The following BMP6 variants were observed in gnomAD, a reference collection of about 807,000 sequenced individuals.
The protein encoded by BMP6 is bone morphogenetic protein 6, also known as VG-1-R.
A neutral mutation model predicts 54.1 loss-of-function variants in BMP6; 17 were observed. That is an observed-to-expected ratio of 0.31 (90% CI 0.22 to 0.47). The LOEUF is 0.47. Ranked by LOEUF, BMP6 falls within the 20% of genes least tolerant of loss-of-function variation. The pLI is 1.00. For synonymous variants in BMP6, 328 were observed against 291.2 expected (o/e 1.13, Z -1.28); for missense variants, 720 against 690.4 (o/e 1.04, Z -0.48).
At chr6:7,779,536 C>T (rs1349108037) in intron 1 of BMP6, among the ~76,000 whole-genome samples, 6 of 152,082 alleles carry the variant, frequency 3.9e-5, no homozygotes, top group Admixed American at 2.0e-4. Context: ...GACGGGGTTT[C>T]ACCATGTTGG....
intron 1 of BMP6, among the ~76,000 whole-genome samples, chr6:7,744,947 G>A (rs1422629767): frequency 6.6e-6 from 1 of 152,190 alleles, no homozygotes; most frequent in African/African-American, 2.4e-5. Context: ...CCCGCCTCCA[G>A]TATCAGTGCC....
chr6:7,794,662 A>T (rs1758166632), intron 1 of BMP6, among the ~76,000 whole-genome samples: 1 of 151,890 alleles, frequency 6.6e-6, no homozygotes, highest in African/African-American at 2.4e-5. Context: ...GTAATATGTT[A>T]GTTGATACCT....
At chr6:7,766,067 CT>C (rs1382698580) in intron 1 of BMP6, among the ~76,000 whole-genome samples, 1 of 152,238 alleles carries the variant, frequency 6.6e-6, no homozygotes, top group Non-Finnish European at 1.5e-5. Context: ...ATGAGGACAT[CT>C]TTTTTTGAGC....
At chr6:7,761,791 A>C (rs1483150191) in intron 1 of BMP6, among the ~76,000 whole-genome samples, 1 of 152,120 alleles carries the variant, frequency 6.6e-6, no homozygotes, top group Non-Finnish European at 1.5e-5. Context: ...TTTTCTTTGT[A>C]CTTTCTGATC....
intron 1 of BMP6, among the ~76,000 whole-genome samples, chr6:7,818,918 G>A (rs967911752): frequency 6.6e-6 from 1 of 152,170 alleles, no homozygotes; most frequent in African/African-American, 2.4e-5. Context: ...ACGTGAAATT[G>A]GCAAGACATT....
chr6:7,813,671 C>A lies in BMP6; in HGVS notation c.665-31469C>A, dbSNP rs1445138093. On this transcript the variant is annotated intron_variant, in intron 1 of 6. Transcript: ENST00000283147. ...AAAAAAAAAAAAAAAAAAAAAAAAC[C>A]CACCAAACCCAGTATAGAAAATATA... Among the ~76,000 whole-genome samples, 12 of 15,816 alleles carry A rather than the reference C, an allele frequency of 7.6e-4. 1 individual carries two copies. The highest frequency in any genetic ancestry group is 8.3e-4 in the Admixed American group (1 of 1,202). The allele number at this position is 15,816 out of a possible 152,430, so 10.4% of individuals were successfully genotyped here. A position where few individuals can be genotyped will look rare whatever the true frequency, so the allele number is the denominator to read the frequency against.
chr6:7,789,878 C>T (rs1451700111), intron 1 of BMP6, among the ~76,000 whole-genome samples: 1 of 152,128 alleles, frequency 6.6e-6, no homozygotes, highest in Non-Finnish European at 1.5e-5. Context: ...GCTTTTCACA[C>T]CTTCTGGATT....
intron 1 of BMP6, among the ~76,000 whole-genome samples, chr6:7,835,868 G>C (rs1265855218): frequency 1.3e-5 from 2 of 150,802 alleles, no homozygotes; most frequent in African/African-American, 4.9e-5. Context: ...ATGGAGTCTT[G>C]CTCTGTCACC....
chr6:7,822,025 C>CT lies in BMP6; in HGVS notation c.665-23103dup, dbSNP rs558981095. On this transcript the variant is annotated intron_variant, in intron 1 of 6. Coordinates refer to ENST00000283147, the MANE Select transcript of BMP6 (RefSeq NM_001718.6). ...ACGTTGCCATGGACTGCAGGAGGGA[C>CT]TTTTTTTTTTTTGAGACAGAGTTTT... 2.3e-3 allele frequency among the ~76,000 whole-genome samples: 335 copies of CT among 145,738 alleles called. 1 individual carries two copies. Among genetic ancestry groups the CT allele is most frequent in the African/African-American group, 6.2e-3 (248 of 39,996 alleles).
intron 1 of BMP6, among the ~76,000 whole-genome samples, chr6:7,763,043 G>A (rs1196716682): frequency 1.3e-5 from 2 of 152,190 alleles, no homozygotes; most frequent in Non-Finnish European, 2.9e-5. Flanking sequence ...ACTCCTATGC[G>A]CCTTTGCATC....
chr6:7,865,153 AATT>A (rs1261953511), intron 4 of BMP6, among the ~76,000 whole-genome samples: 4 of 152,234 alleles, frequency 2.6e-5, no homozygotes, highest in African/African-American at 9.6e-5. Context: ...AATATCAACC[AATT>A]ATTATTTTCC....
At chr6:7,825,753 T>C (rs1472669088) in intron 1 of BMP6, among the ~76,000 whole-genome samples, 6 of 150,744 alleles carry the variant, frequency 4.0e-5, no homozygotes, top group Admixed American at 1.3e-4. Context: ...AAAAAAAAAC[T>C]TTAGTGTTTT....
At chr6:7,863,976 A>C (rs554950088) in intron 4 of BMP6, among the ~76,000 whole-genome samples, 1 of 151,680 alleles carries the variant, frequency 6.6e-6, no homozygotes, top group African/African-American at 2.4e-5. Context: ...GCCAAGATTA[A>C]GATTATGCCT....
rs1362854688 is a variant in BMP6 at position 7,772,012 on chromosome 6, C to T, written c.664+44393C>T. 3.3e-5 allele frequency among the ~76,000 whole-genome samples: 5 copies of T among 149,742 alleles called. No homozygotes were observed. The Admixed American group carries it at 3.4e-4, about 10-fold the overall frequency. ...GAGGTTGCAGTGAGCCGAGATTGTGCGATTGCACTCCAGCCTGGGCGACAG... is the reference window on the plus strand; with the variant it reads ...GAGGTTGCAGTGAGCCGAGATTGTGTGATTGCACTCCAGCCTGGGCGACAG... On this transcript the variant is annotated intron_variant, in intron 1 of 6. Coordinates refer to ENST00000283147, the MANE Select transcript of BMP6 (RefSeq NM_001718.6).
intron 1 of BMP6, among the ~76,000 whole-genome samples, chr6:7,788,484 A>G (rs1007494550): frequency 6.6e-6 from 1 of 152,064 alleles, no homozygotes; most frequent in African/African-American, 2.4e-5. Context: ...ACAACGGGGG[A>G]CCCCTCTGTA....
chr6:7,740,000 CAGA>C (rs1400478360), intron 1 of BMP6, among the ~76,000 whole-genome samples: 1 of 152,170 alleles, frequency 6.6e-6, no homozygotes, highest in Non-Finnish European at 1.5e-5. Context: ...ACAAAAGATT[CAGA>C]AGGGTTGGCC....
intron 1 of BMP6, among the ~76,000 whole-genome samples, chr6:7,843,443 CTT>C (rs66907363): frequency 7.4e-5 from 10 of 135,948 alleles, no homozygotes; most frequent in Admixed American, 7.4e-5. Context: ...TCTTTTCTTT[CTT>C]TTTTTTTTTT....
At chr6:7,838,538 A>G (rs1194215901) in intron 1 of BMP6, among the ~76,000 whole-genome samples, 1 of 152,188 alleles carries the variant, frequency 6.6e-6, no homozygotes, top group Non-Finnish European at 1.5e-5. Context: ...TTCTTTTCCT[A>G]TTATTTAATC....
rs539882710 is a variant in BMP6, at chr6:7,808,763, A to T, written c.665-36377A>T. 2.6e-5 allele frequency among the ~76,000 whole-genome samples: 4 copies of T among 152,014 alleles called. No homozygotes were observed. The South Asian group carries it at 8.3e-4, about 32-fold the overall frequency. ...ATCATGTCTCAAACAAAAAATTTAA[A>T]AATTAGCCAGTGTGGTGGCATGCTT... On this transcript the variant is annotated intron_variant, in intron 1 of 6. Transcript: ENST00000283147.
Sources: gnomAD v4.1 joint callset for allele counts (sites outside exome capture counted in the v4.1 genomes callset) on GRCh38, gnomAD v4.1.1 for gene constraint, MANE v1.5 for transcripts, NCBI Gene and HGNC (gene_info 2026-07-23, HGNC 2026-07-21) for gene names.